The following STK4 variants were observed in gnomAD, a reference collection of about 807,000 sequenced individuals.
STK4 encodes the protein serine/threonine kinase 4.
In STK4, 30 loss-of-function variants were observed where a neutral mutation model predicts 64.9. The ratio of observed to expected loss-of-function variants is 0.46; its 90% CI spans 0.35 to 0.63. STK4 has a LOEUF of 0.63. Ranked by LOEUF, STK4 falls within the 20% of genes least tolerant of loss-of-function variation. The pLI is 0.01. For synonymous variants in STK4, 177 were observed against 199.0 expected (o/e 0.89, Z 0.93); for missense variants, 466 against 598.5 (o/e 0.78, Z 2.31).
chr20:45,019,617 AG>A (rs1241877690), intron 9 of STK4, among the ~76,000 whole-genome samples: 1 of 152,270 alleles, frequency 6.6e-6, no homozygotes, highest in African/African-American at 2.4e-5. Flanking sequence ...GTCTTAGCAT[AG>A]GAATTCATGC....
intron 10 of STK4, among the ~76,000 whole-genome samples, chr20:45,063,116 A>G (rs1005841223): frequency 1.4e-5 from 2 of 139,832 alleles, no homozygotes; most frequent in African/African-American, 2.7e-5. Flanking sequence ...TGATCCACCC[A>G]TCTCAGCCTC....
rs1321230847 is a variant in STK4, at chr20:45,075,178, C to G, written c.*2C>G. ...AAGAGACGGCAACAAAACTTCTGAG[C>G]AAGGCCAGGCTGTGAGGGCCCCAGC... On this transcript the variant is annotated 3_prime_UTR_variant, in exon 11 of 11. Coordinates refer to ENST00000372806, the MANE Select transcript of STK4 (RefSeq NM_006282.5). 1.9e-6 allele frequency: 3 copies of G among 1,613,146 alleles called. No individual in the cohort carries two copies. Among genetic ancestry groups the G allele is most frequent in the Non-Finnish European group, 2.5e-6 (3 of 1,179,864 alleles).
chr20:45,060,034 T>C (rs1269423743), intron 10 of STK4, among the ~76,000 whole-genome samples: 1 of 152,182 alleles, frequency 6.6e-6, no homozygotes, highest in Non-Finnish European at 1.5e-5. Flanking sequence ...AAATATTTAT[T>C]AAGAATTATT....
At chr20:45,011,618 A>G (rs2068044442) in intron 9 of STK4, among the ~76,000 whole-genome samples, 1 of 150,632 alleles carries the variant, frequency 6.6e-6, no homozygotes, top group African/African-American at 2.4e-5. Context: ...AATCAGCTAA[A>G]ATGGCCTTAC....
Position 45,000,501 on chromosome 20 carries a change from A to C in STK4, c.941A>C (p.Gln314Pro), listed in dbSNP as rs2145695574. ...RQESQQREVD[Q>P]DDEENSEEDE... ...GAATCCCAGCAGCGGGAAGTGGACC[A>C]GGACGATGAAGAAAACTCAGTGAGT... The change falls in exon 8 of 11, where the codon CAG becomes CCG. Residue 314 changes from glutamine (Q) to proline (P), a missense_variant. Gln to Pro is a moderately conservative substitution (Grantham distance 76). Transcript: ENST00000372806. 6.2e-7 allele frequency: 1 copy of C among 1,614,064 alleles called. No homozygotes were observed. The highest frequency in any genetic ancestry group is 8.5e-7 in the Non-Finnish European group (1 of 1,179,930).
intron 9 of STK4, among the ~76,000 whole-genome samples, chr20:45,013,541 A>G (rs2068090143): frequency 1.3e-5 from 2 of 152,148 alleles, no homozygotes; most frequent in Non-Finnish European, 1.5e-5. Flanking sequence ...TTTTAATAGC[A>G]AATGTATGAT....
rs746420331 is a variant in STK4, at chr20:44,987,248, A to G, written c.477A>G (p.Thr159=). The G allele has an allele frequency of 3.1e-6, 5 of 1,611,742 alleles. No homozygotes were observed. The highest frequency in any genetic ancestry group is 3.4e-6 in the Non-Finnish European group (4 of 1,179,358). Residue 159 remains threonine (T), a synonymous_variant, in exon 5 of 11, where the codon ACA becomes ACG. Transcript: ENST00000372806. ...AGGCAGGAAATATTTTGCTAAATAC[A>G]GAAGGACATGCAAAACTTGCAGATT... ...DIKAGNILLN[T]EGHAKLADFG...
chr20:45,063,999 G>A (rs569819683), intron 10 of STK4, among the ~76,000 whole-genome samples: 55 of 152,068 alleles, frequency 3.6e-4, no homozygotes, highest in Non-Finnish European at 4.6e-4. Context: ...TAGGAGAGAC[G>A]GGGTTTCACT....
In STK4 at chr20:45,007,502, G is replaced by A. The variant is rs187685711; in HGVS notation, c.1147+6149G>A. Among the ~76,000 whole-genome samples the A allele has an allele frequency of 1.5e-3, 229 of 151,520 alleles. 1 individual carries two copies. The highest frequency in any genetic ancestry group is 6.8e-3 in the Middle Eastern group (2 of 294). The stretch of plus-strand genomic sequence containing the variant: ...GTGGAGGTTGCAGTGAGCCGAAATC[G>A]CGCCACTGCACTCCAGCCCGGGTGA... On this transcript the variant is annotated intron_variant, in intron 9 of 10. Coordinates refer to ENST00000372806, the MANE Select transcript of STK4 (RefSeq NM_006282.5).
intron 1 of STK4, among the ~76,000 whole-genome samples, chr20:44,968,050 C>T (rs2067181798): frequency 6.6e-6 from 1 of 152,056 alleles, no homozygotes. Context: ...AACTGAGATA[C>T]AGAGGGTAGT....
intron 10 of STK4, among the ~76,000 whole-genome samples, chr20:45,057,174 C>T (rs1031730277): frequency 2.0e-5 from 3 of 152,200 alleles, no homozygotes; most frequent in Non-Finnish European, 4.4e-5. Context: ...TCTAGGCTGT[C>T]GCTGGGCCAC....
chr20:45,075,041 C>G lies in STK4; in HGVS notation c.1329C>G (p.Asp443Glu). 1 of 1,614,170 alleles carries G rather than the reference C, an allele frequency of 6.2e-7. No homozygotes were observed. The highest frequency in any genetic ancestry group is 8.5e-7 in the Non-Finnish European group (1 of 1,180,028). ...YEFLKSWTVE[D>E]LQKRLLALDP... Reference sequence around the variant, plus strand: ...AGCTTAAGAGTTGGACAGTGGAGGACCTTCAGAAGAGGCTCTTGGCCCTGG... The same window carrying G: ...AGCTTAAGAGTTGGACAGTGGAGGAGCTTCAGAAGAGGCTCTTGGCCCTGG... The change falls in exon 11 of 11, where the codon GAC (aspartate) becomes GAG (glutamate). Residue 443 changes from aspartate to glutamate, a missense_variant. By Grantham distance (45) the Asp-to-Glu change is conservative. This residue lies in a region of STK4 where 276 missense variants were observed against 308.9 expected (regional missense o/e 0.89). Transcript: ENST00000372806.
At chr20:44,999,747 CA>C (rs1270431326) in intron 7 of STK4, among the ~76,000 whole-genome samples, 1 of 152,122 alleles carries the variant, frequency 6.6e-6, no homozygotes, top group Non-Finnish European at 1.5e-5. Flanking sequence ...GCAGCAACTG[CA>C]TTTTTGCACT....
intron 2 of STK4, chr20:44,973,280 G>A (rs910671): frequency 4.0e-5 from 6 of 151,888 alleles, no homozygotes; most frequent in Non-Finnish European, 8.8e-5. Context: ...TAAAAAACAT[G>A]AGTCATCGTC....
intron 10 of STK4, among the ~76,000 whole-genome samples, chr20:45,049,290 CAT>C (rs1481485945): frequency 3.3e-5 from 5 of 152,150 alleles, no homozygotes; most frequent in African/African-American, 1.2e-4. Flanking sequence ...GTTCTTTAGA[CAT>C]GGATGCATCT....
intron 9 of STK4, among the ~76,000 whole-genome samples, chr20:45,002,163 C>A (rs1262094125): frequency 6.6e-6 from 1 of 152,178 alleles, no homozygotes; most frequent in Non-Finnish European, 1.5e-5. Context: ...ACTCTGAGTA[C>A]TAAATTGTCT....
At chr20:45,002,202 A>G (rs1247997601) in intron 9 of STK4, among the ~76,000 whole-genome samples, 1 of 152,200 alleles carries the variant, frequency 6.6e-6, no homozygotes, top group African/African-American at 2.4e-5. Context: ...AATTATGTAG[A>G]TGATTATAAC....
At chr20:44,992,838 G>T (rs937992861) in intron 5 of STK4, among the ~76,000 whole-genome samples, 1 of 152,028 alleles carries the variant, frequency 6.6e-6, no homozygotes, top group Non-Finnish European at 1.5e-5. Flanking sequence ...GGGATTACAG[G>T]TACCTGCTAC....
chr20:45,008,106 G>A (rs974569054), intron 9 of STK4, among the ~76,000 whole-genome samples: 2 of 152,202 alleles, frequency 1.3e-5, no homozygotes, highest in Non-Finnish European at 2.9e-5. Flanking sequence ...CCAGGCTGGA[G>A]TGCGTTGGCA....
Sources: gnomAD v4.1 joint callset for allele counts (sites outside exome capture counted in the v4.1 genomes callset) on GRCh38, gnomAD v4.1.1 for gene constraint, gnomAD v4.1.1 regional missense constraint, MANE v1.5 for transcripts, NCBI Gene and HGNC (gene_info 2026-07-23, HGNC 2026-07-21) for gene names.